GLCE: variants seen among roughly 807,000 people sequenced by gnomAD.
GLCE encodes the protein D-glucuronyl C5-epimerase.
GLCE carries 19 observed loss-of-function variants against 47.9 expected under a neutral mutation model. The ratio of observed to expected loss-of-function variants is 0.40; its 90% CI spans 0.28 to 0.58. The LOEUF (loss-of-function observed/expected upper bound fraction) is 0.58. Ranked by LOEUF, GLCE falls within the 20% of genes least tolerant of loss-of-function variation. The probability of loss-of-function intolerance (pLI) is 0.48; values close to 1 mark genes in which losing one functional copy is unlikely to be tolerated. For synonymous variants in GLCE, 245 were observed against 263.4 expected (o/e 0.93, Z 0.68); for missense variants, 556 against 743.3 (o/e 0.75, Z 2.93).
intron 2 of GLCE, among the ~76,000 whole-genome samples, chr15:69,242,844 A>C (rs1404101824): frequency 1.3e-5 from 2 of 151,944 alleles, no homozygotes; most frequent in Admixed American, 6.6e-5. Context: ...TCAGAAGTTC[A>C]AGACCAGTCT....
chr15:69,255,828 G>A lies in GLCE; in HGVS notation c.22G>A (p.Val8Ile). 3 of 1,610,324 alleles carry A rather than the reference G, an allele frequency of 1.9e-6. No individual in the cohort carries two copies. Among genetic ancestry groups the A allele is most frequent in the Non-Finnish European group, 2.5e-6 (3 of 1,176,862 alleles). Residue 8 changes from valine (V) to isoleucine (I), a missense_variant, in exon 3 of 5, where the codon GTC (valine) becomes ATC (isoleucine). Physicochemically the swap from Val to Ile is conservative, Grantham distance 29. Coordinates refer to ENST00000261858, the MANE Select transcript of GLCE (RefSeq NM_015554.3). MRCLAAR[V>I]NYKTLIIICA... ...GAATATGCGTTGCTTGGCAGCTCGG[G>A]TCAACTATAAGACTTTGATTATTAT...
chr15:69,170,699 C>T (rs1328475520), intron 1 of GLCE, among the ~76,000 whole-genome samples: 1 of 152,132 alleles, frequency 6.6e-6, no homozygotes, highest in Non-Finnish European at 1.5e-5. Context: ...TAGAAAGGGT[C>T]TAGCTATGAT....
Position 69,271,572 on chromosome 15 carries a change from G to A in GLCE, c.*2328G>A, listed in dbSNP as rs907387612. On this transcript the variant is annotated 3_prime_UTR_variant, in exon 5 of 5. Coordinates refer to ENST00000261858, the MANE Select transcript of GLCE (RefSeq NM_015554.3). ...ATTATGTAAAATGTTTACTTATTCT[G>A]AGCTTAGAGAGAATGGGGAGGGTAT... The A allele has an allele frequency of 1.3e-5, 2 of 152,570 alleles. No individual in the cohort carries two copies. Among genetic ancestry groups the A allele is most frequent in the African/African-American group, 4.8e-5 (2 of 41,416 alleles). The allele number at this position is 152,570 out of a possible 1,614,324, so 9.5% of individuals were successfully genotyped here.
At chr15:69,236,587 T>C (rs2052596673) in intron 2 of GLCE, among the ~76,000 whole-genome samples, 1 of 152,192 alleles carries the variant, frequency 6.6e-6, no homozygotes, top group Non-Finnish European at 1.5e-5. Context: ...TCTTAAGAGA[T>C]TTTGGACAAG....
At chr15:69,235,685 C>A (rs2052587441) in intron 2 of GLCE, among the ~76,000 whole-genome samples, 1 of 152,186 alleles carries the variant, frequency 6.6e-6, no homozygotes, top group Non-Finnish European at 1.5e-5. Context: ...CAAAAATATA[C>A]CTTCTCACTT....
intron 1 of GLCE, among the ~76,000 whole-genome samples, chr15:69,161,790 G>T (rs1234499916): frequency 1.3e-5 from 2 of 152,196 alleles, no homozygotes; most frequent in Non-Finnish European, 2.9e-5. Context: ...GGAGCTCCGG[G>T]AGCTAGAGTG....
intron 1 of GLCE, among the ~76,000 whole-genome samples, chr15:69,182,454 A>C (rs2051764330): frequency 1.3e-5 from 2 of 152,194 alleles, no homozygotes; most frequent in Non-Finnish European, 2.9e-5. Context: ...TAGAATAGGC[A>C]GAAAATTGCA....
At chr15:69,215,655 T>G (rs1255328624) in intron 2 of GLCE, among the ~76,000 whole-genome samples, 1 of 152,114 alleles carries the variant, frequency 6.6e-6, no homozygotes, top group Non-Finnish European at 1.5e-5. Context: ...ATAGTTAACT[T>G]TATAAGAAAC....
chr15:69,179,707 G>T (rs2051723898), intron 1 of GLCE, among the ~76,000 whole-genome samples: 1 of 152,324 alleles, frequency 6.6e-6, no homozygotes, highest in South Asian at 2.1e-4. Context: ...ACAAGTGGCT[G>T]TGTGCAGTGG....
In GLCE at chr15:69,163,419, C is replaced by T. The variant is rs562253691; in HGVS notation, c.-105+2662C>T. On this transcript the variant is annotated intron_variant, in intron 1 of 4. Coordinates refer to ENST00000261858, the MANE Select transcript of GLCE (RefSeq NM_015554.3). ...TTGTGATACTGCTAAGGAAGAAATA[C>T]ACAAGGTACTTAAGATTCAGCTCTC... 3.3e-5 allele frequency among the ~76,000 whole-genome samples: 5 copies of T among 152,246 alleles called. No individual in the cohort carries two copies. In the East Asian group the frequency reaches 7.7e-4, roughly 24 times the overall value.
intron 2 of GLCE, among the ~76,000 whole-genome samples, chr15:69,231,955 G>A (rs369823233): frequency 6.6e-6 from 1 of 151,870 alleles, no homozygotes; most frequent in African/African-American, 2.4e-5. Flanking sequence ...ACCACGCCTG[G>A]CTAATTTTTA....
chr15:69,210,035 G>C (rs1313477806), intron 1 of GLCE, among the ~76,000 whole-genome samples: 1 of 152,114 alleles, frequency 6.6e-6, no homozygotes, highest in Non-Finnish European at 1.5e-5. Context: ...TCTCAAGCCA[G>C]AGGTAGAGGG....
chr15:69,180,808 G>A (rs11072076), intron 1 of GLCE, among the ~76,000 whole-genome samples: 2 of 152,160 alleles, frequency 1.3e-5, no homozygotes, highest in South Asian at 4.1e-4. Context: ...TAAGTGATAC[G>A]TGGTATAGAA....
intron 1 of GLCE, among the ~76,000 whole-genome samples, chr15:69,164,370 G>A (rs2051471205): frequency 6.6e-6 from 1 of 151,802 alleles, no homozygotes. Flanking sequence ...TCTTCACTGT[G>A]CTACTCATGG....
At chr15:69,215,459 A>G (rs1336313705) in intron 2 of GLCE, among the ~76,000 whole-genome samples, 1 of 151,908 alleles carries the variant, frequency 6.6e-6, no homozygotes, top group Non-Finnish European at 1.5e-5. Context: ...CGATTTGCTT[A>G]TTCATTTATC....
chr15:69,177,297 A>G (rs941901954), intron 1 of GLCE, among the ~76,000 whole-genome samples: 8 of 152,160 alleles, frequency 5.3e-5, no homozygotes, highest in African/African-American at 1.9e-4. Context: ...TCCTGACTTC[A>G]GGTGATCCAT....
chr15:69,205,755 G>A (rs948376419), intron 1 of GLCE, among the ~76,000 whole-genome samples: 13 of 152,072 alleles, frequency 8.5e-5, no homozygotes, highest in African/African-American at 2.6e-4. Flanking sequence ...GTGATGTTGC[G>A]CATTTTGTCG....
rs552911433 is a variant in GLCE at position 69,170,222 on chromosome 15, T to C, written c.-105+9465T>C. On this transcript the variant is annotated intron_variant, in intron 1 of 4. Transcript: ENST00000261858. ...TAATTTGTATTTCTTTGGTTATAAGTGAAGTTGAAACATTGTAAATTGTTT... is the reference window on the plus strand; with the variant it reads ...TAATTTGTATTTCTTTGGTTATAAGCGAAGTTGAAACATTGTAAATTGTTT... Among the ~76,000 whole-genome samples, 8 of 152,288 alleles carry C rather than the reference T, an allele frequency of 5.3e-5. No individual in the cohort carries two copies. The South Asian group carries it at 1.7e-3, about 32-fold the overall frequency.
intron 4 of GLCE, among the ~76,000 whole-genome samples, chr15:69,267,057 A>C (rs2053096994): frequency 6.6e-6 from 1 of 152,148 alleles, no homozygotes; most frequent in African/African-American, 2.4e-5. Context: ...TGTTGTTCTT[A>C]TTCTTGCTGC....
Sources: gnomAD v4.1 joint callset for allele counts (sites outside exome capture counted in the v4.1 genomes callset) on GRCh38, gnomAD v4.1.1 for gene constraint, MANE v1.5 for transcripts, NCBI Gene and HGNC (gene_info 2026-07-23, HGNC 2026-07-21) for gene names.